HHIP: variants seen among roughly 807,000 people sequenced by gnomAD.
The protein encoded by HHIP is hedgehog interacting protein, also known as hedgehog-interacting protein.
HHIP carries 12 observed loss-of-function variants against 74.0 expected under a neutral mutation model. The observed-to-expected ratio is 0.16, with a 90% CI of 0.10 to 0.26. HHIP has a LOEUF of 0.26. HHIP is among the 10% of genes least tolerant of loss of function. The pLI, the probability that HHIP is intolerant of heterozygous loss-of-function variation, is 1.00. For missense variants in HHIP, 788 were observed against 845.0 expected (o/e 0.93, Z 0.84); for synonymous variants, 309 against 311.6 (o/e 0.99, Z 0.09).
At chr4:144,659,965 A>G (rs771887230) in intron 4 of HHIP, 127 bp downstream of exon 4, 1 of 672,474 alleles carries the variant, frequency 1.5e-6, no homozygotes, top group East Asian at 2.7e-5. Context: ...TAAGGGGGCA[A>G]CATAAGAAAC....
At chr4:144,692,448 C>A (rs1392405711) in intron 4 of HHIP, among the ~76,000 whole-genome samples, 1 of 152,176 alleles carries the variant, frequency 6.6e-6, no homozygotes, top group Admixed American at 6.5e-5. Flanking sequence ...AAGTATCTCT[C>A]TGGGAGATGC....
At chr4:144,659,468 T>A (rs1190339076) in intron 3 of HHIP, 169 bp from the exon 4 acceptor site, 1 of 435,926 alleles carries the variant, frequency 2.3e-6, no homozygotes, top group Non-Finnish European at 4.0e-6. Flanking sequence ...TTGAAAGAAT[T>A]TAAAAGAACC....
chr4:144,737,607 C>T (rs1731154819), intron 12 of HHIP, among the ~76,000 whole-genome samples, 157 bp from the exon 13 acceptor site: 1 of 152,194 alleles, frequency 6.6e-6, no homozygotes, highest in Non-Finnish European at 1.5e-5. Context: ...AAGCCTGTTT[C>T]CTACTTGCAT....
Position 144,742,691 on chromosome 4 carries a change from C to G in HHIP, c.*4734C>G, listed in dbSNP as rs1293285501. 6.6e-6 allele frequency: 1 copy of G among 151,150 alleles called. No individual in the cohort carries two copies. Among genetic ancestry groups the G allele is most frequent in the Non-Finnish European group, 1.5e-5 (1 of 67,850 alleles). 9.4% of individuals were successfully genotyped at this position (151,150 alleles called of 1,614,324 possible). A position where few individuals can be genotyped will look rare whatever the true frequency, so the allele number is the denominator to read the frequency against. On this transcript the variant is annotated 3_prime_UTR_variant, in exon 13 of 13. Coordinates refer to ENST00000296575, the MANE Select transcript of HHIP (RefSeq NM_022475.3). ...ACTACTCCCAGGAAGTAAACTAGTACTGTGAATGCTGGCAATACCATCAGA... is the reference window on the plus strand; with the variant it reads ...ACTACTCCCAGGAAGTAAACTAGTAGTGTGAATGCTGGCAATACCATCAGA...
chr4:144,734,902 G>A lies in HHIP; in HGVS notation c.1909+13G>A, dbSNP rs1472173. ...TTCTGCAGAACTGGTTAGTATTTCT[G>A]TTTTCACCTGAAAAGGACTGGGGAT... On this transcript the variant is annotated intron_variant, in intron 12 of 12. Coordinates refer to ENST00000296575, the MANE Select transcript of HHIP (RefSeq NM_022475.3). The A allele has an allele frequency of 7.5e-5, 119 of 1,592,404 alleles. No individual in the cohort carries two copies. The African/African-American group carries it at 1.4e-3, about 19-fold the overall frequency.
chr4:144,649,971 C>T (rs903503035), intron 1 of HHIP, among the ~76,000 whole-genome samples: 4 of 152,168 alleles, frequency 2.6e-5, no homozygotes, highest in African/African-American at 9.7e-5. Context: ...TATCCAACAG[C>T]TGAACAACCT....
chr4:144,702,508 C>T (rs779715229), intron 4 of HHIP, among the ~76,000 whole-genome samples: 3 of 152,066 alleles, frequency 2.0e-5, no homozygotes, highest in South Asian at 2.1e-4. Context: ...TTCCAAATTG[C>T]GGGAACATTA....
intron 4 of HHIP, among the ~76,000 whole-genome samples, chr4:144,683,923 T>C (rs6537309): frequency 0.59 from 90,149 of 151,560 alleles, 26,955 homozygotes; most frequent in South Asian, 0.78. Flanking sequence ...TGCCTTAAAT[T>C]TTTGAAGACC....
At chr4:144,665,104 G>T (rs955282273) in intron 4 of HHIP, among the ~76,000 whole-genome samples, 3 of 152,156 alleles carry the variant, frequency 2.0e-5, no homozygotes, top group African/African-American at 7.2e-5. Flanking sequence ...ACAGAGTCTT[G>T]CTCTGTTGCC....
At chr4:144,667,284 G>A (rs1365094112) in intron 4 of HHIP, among the ~76,000 whole-genome samples, 1 of 152,134 alleles carries the variant, frequency 6.6e-6, no homozygotes, top group Admixed American at 6.5e-5. Context: ...AGGAGTTCAA[G>A]GTTGCAGTGA....
At chr4:144,669,302 C>A (rs1170021243) in intron 4 of HHIP, among the ~76,000 whole-genome samples, 2 of 152,106 alleles carry the variant, frequency 1.3e-5, no homozygotes, top group Non-Finnish European at 2.9e-5. Flanking sequence ...AACGTGTTAT[C>A]ATGAGAAAAG....
intron 4 of HHIP, among the ~76,000 whole-genome samples, chr4:144,701,633 A>C (rs929748976): frequency 3.3e-5 from 5 of 152,160 alleles, no homozygotes; most frequent in Non-Finnish European, 5.9e-5. Context: ...CCAACACATA[A>C]TGGGTATTCA....
chr4:144,657,631 T>C (rs535358524), intron 2 of HHIP, among the ~76,000 whole-genome samples: 28 of 152,146 alleles, frequency 1.8e-4, no homozygotes, highest in Non-Finnish European at 3.4e-4. Context: ...AAAACTTTTT[T>C]GCCATAAAGT....
intron 11 of HHIP, among the ~76,000 whole-genome samples, chr4:144,723,928 G>A (rs1424991459): frequency 3.3e-5 from 5 of 152,240 alleles, no homozygotes; most frequent in Non-Finnish European, 5.9e-5. Context: ...AACCAAAGAT[G>A]AATATACATG....
chr4:144,670,764 GAAAAAAA>G (rs1167213848), intron 4 of HHIP, among the ~76,000 whole-genome samples: 37 of 54,908 alleles, frequency 6.7e-4, no homozygotes, highest in Middle Eastern at 0.015. Context: ...CTTAAGATTT[GAAAAAAA>G]AAAAAAAAAA....
intron 4 of HHIP, among the ~76,000 whole-genome samples, chr4:144,695,293 ATG>A (rs1286679458): frequency 6.6e-6 from 1 of 151,846 alleles, no homozygotes; most frequent in Non-Finnish European, 1.5e-5. Flanking sequence ...CTTTGGGGAT[ATG>A]TATGTCTTTA....
At chr4:144,696,485 G>A (rs910203387) in intron 4 of HHIP, among the ~76,000 whole-genome samples, 3 of 151,870 alleles carry the variant, frequency 2.0e-5, no homozygotes, top group African/African-American at 7.2e-5. Flanking sequence ...AGAAACCCAA[G>A]TTACTTAAGA....
intron 4 of HHIP, among the ~76,000 whole-genome samples, chr4:144,705,392 A>T (rs1045380461): frequency 6.6e-6 from 1 of 152,170 alleles, no homozygotes; most frequent in Non-Finnish European, 1.5e-5. Flanking sequence ...TTCTCTGCTA[A>T]CACTTGAGAA....
intron 4 of HHIP, among the ~76,000 whole-genome samples, chr4:144,675,268 G>T (rs1729141292): frequency 1.3e-5 from 2 of 152,084 alleles, no homozygotes; most frequent in Non-Finnish European, 2.9e-5. Context: ...TATGTGACTT[G>T]AAAATGCATA....
Sources: allele counts gnomAD v4.1 joint callset (sites outside exome capture counted in the v4.1 genomes callset), GRCh38; gene constraint gnomAD v4.1.1; transcripts MANE v1.5; gene names NCBI Gene and HGNC (gene_info 2026-07-23, HGNC 2026-07-21).